SRSF5: variants seen among roughly 807,000 people sequenced by gnomAD.
SRSF5 encodes the protein serine/arginine-rich splicing factor 5.
In SRSF5, 5 loss-of-function variants were observed where a neutral mutation model predicts 34.0. That is an observed-to-expected ratio of 0.15 (90% CI 0.08 to 0.31). The LOEUF is 0.31. Among genes scored for constraint, SRSF5 ranks in the 10% least tolerant of loss-of-function variants. The probability of loss-of-function intolerance (pLI) is 1.00; values close to 1 mark genes in which losing one functional copy is unlikely to be tolerated. For missense variants in SRSF5, 223 were observed against 351.4 expected, an observed-to-expected ratio of 0.63 and a Z score of 2.92; for synonymous variants, 164 against 117.7, an observed-to-expected ratio of 1.39 and a Z score of -2.55.
At chr14:69,767,336 C>T (rs1882574418) in intron 1 of SRSF5, 81 bp downstream of exon 1, 1 of 455,706 alleles carries the variant, frequency 2.2e-6, no homozygotes, top group Middle Eastern at 3.3e-4. Flanking sequence ...GCCGGGGCTG[C>T]TCTCTTTGCG....
At chr14:69,769,389 A>G (rs1703949154) in intron 5 of SRSF5, 138 bp downstream of exon 5, 1 of 1,499,452 alleles carries the variant, frequency 6.7e-7, no homozygotes, top group African/African-American at 1.4e-5. Context: ...ACATTTAATT[A>G]AATGTAATTT....
At position 69,771,307 on chromosome 14, in the gene SRSF5, G is replaced by A. The variant is rs759338362; in HGVS notation, c.665G>A (p.Arg222Gln). 7.4e-6 allele frequency: 12 copies of A among 1,614,114 alleles called. No homozygotes were observed. Among genetic ancestry groups the A allele is most frequent in the East Asian group, 4.5e-5 (2 of 44,882 alleles). The change falls in exon 8 of 8, where the codon CGG becomes CAG. Residue 222 changes from arginine (R) to glutamine (Q), a missense_variant. By Grantham distance (43) the Arg-to-Gln change is conservative (BLOSUM62 1). Coordinates refer to ENST00000557154, the MANE Select transcript of SRSF5 (RefSeq NM_001320214.2). Reference sequence around the variant, plus strand: ...CGGTCAAGAAGCAGGAGCAGGAGCCGGAGCCGGAGCAAGTCCCGTTCTGTT... The same window carrying A: ...CGGTCAAGAAGCAGGAGCAGGAGCCAGAGCCGGAGCAAGTCCCGTTCTGTT... ...YSRSRSRSRS[R>Q]SRSKSRSVSR...
Position 69,771,248 on chromosome 14 carries a change from C to CCGATCCCGTTCCCGTAGT in SRSF5, c.609_626dup (p.Ser204_Arg209dup), listed in dbSNP as rs1263975783. Reference sequence around the variant, plus strand: ...CCAGAAGTTCCTCTAGGTCTCGTAGCCGATCCCGTTCCCGTAGTCGCAAAT... The same window carrying CCGATCCCGTTCCCGTAGT: ...CCAGAAGTTCCTCTAGGTCTCGTAGCCGATCCCGTTCCCGTAGTCGATCCCGTTCCCGTAGTCGCAAAT... On this transcript the variant is annotated inframe_insertion, in exon 8 of 8. Transcript: ENST00000557154. 1 of 1,614,004 alleles carries CCGATCCCGTTCCCGTAGT rather than the reference C, an allele frequency of 6.2e-7. No individual in the cohort carries two copies. Among genetic ancestry groups the CCGATCCCGTTCCCGTAGT allele is most frequent in the Non-Finnish European group, 8.5e-7 (1 of 1,180,046 alleles).
At chr14:69,768,071 ATTGT>A in intron 1 of SRSF5, 63 bp from the exon 2 acceptor site, 9 of 1,557,590 alleles carry the variant, frequency 5.8e-6, no homozygotes, top group Non-Finnish European at 7.9e-6. Context: ...GATGTTTTTG[ATTGT>A]TTAATCAGGC....
intron 2 of SRSF5, 77 bp from the exon 3 acceptor site, chr14:69,768,527 C>T (rs1295815274): frequency 1.4e-6 from 2 of 1,426,792 alleles, no homozygotes; most frequent in East Asian, 2.3e-5. Flanking sequence ...CATTCTGTCT[C>T]CTGATTTCAG....
chr14:69,769,262 A>C lies in SRSF5; in HGVS notation c.366+11A>C. 1 of 1,614,106 alleles carries C rather than the reference A, an allele frequency of 6.2e-7. No individual in the cohort carries two copies. Among genetic ancestry groups the C allele is most frequent in the Middle Eastern group, 1.6e-4 (1 of 6,062 alleles). On this transcript the variant is annotated intron_variant, in intron 5 of 7. Transcript: ENST00000557154. ...AGAGTCAGCTGGCAGGTTTGTTGAA[A>C]TACAGTTTTGAGTTATTTTGATGTG...
chr14:69,771,925 G>T lies in SRSF5; in HGVS notation c.*464G>T, dbSNP rs1373907078. On this transcript the variant is annotated 3_prime_UTR_variant, in exon 8 of 8. Coordinates refer to ENST00000557154, the MANE Select transcript of SRSF5 (RefSeq NM_001320214.2). The stretch of plus-strand genomic sequence containing the variant: ...TTTGTTTTCCTTGTTAGGGTCAAGG[G>T]TGTCCTCCACTCTTTAACAGCTGCT... The T allele has an allele frequency of 6.2e-6, 1 of 161,470 alleles. No individual in the cohort carries two copies. Among genetic ancestry groups the T allele is most frequent in the Non-Finnish European group, 1.4e-5 (1 of 73,462 alleles). 10.0% of individuals were successfully genotyped at this position (161,470 alleles called of 1,614,324 possible). A position where few individuals can be genotyped will look rare whatever the true frequency, so the allele number is the denominator to read the frequency against.
In SRSF5 at chr14:69,768,905, A is replaced by G. The variant is rs780052443; in HGVS notation, c.296+9A>G. On this transcript the variant is annotated intron_variant, in intron 4 of 7. Transcript: ENST00000557154. ...CCTCGAAATGATAGACGGTATGTGAAGGGTGGATGGCTGCATTGAACAATT... is the reference window on the plus strand; with the variant it reads ...CCTCGAAATGATAGACGGTATGTGAGGGGTGGATGGCTGCATTGAACAATT... 3.3e-5 allele frequency: 53 copies of G among 1,611,982 alleles called. No individual in the cohort carries two copies. The highest frequency in any genetic ancestry group is 4.4e-5 in the Non-Finnish European group (52 of 1,178,044).
At chr14:69,768,305 A>G in intron 2 of SRSF5, 23 bp downstream of exon 2, 1 of 1,613,778 alleles carries the variant, frequency 6.2e-7, no homozygotes. Flanking sequence ...AACTGGGTGA[A>G]TTATCTGCTA....
At position 69,767,488 on chromosome 14, in the gene SRSF5, C is replaced by T. The variant is rs1476701213; in HGVS notation, c.-20+233C>T. 2.6e-5 allele frequency: 12 copies of T among 455,934 alleles called. No individual in the cohort carries two copies. In the Middle Eastern group the frequency reaches 1.3e-3, roughly 49 times the overall value. 28.2% of individuals were successfully genotyped at this position (455,934 alleles called of 1,614,324 possible). Reference sequence around the variant, plus strand: ...TTACACAGCGGTTGTGCGCCCGTCCCTGCCAGTCTTAATGTCTTCATCTCC... The same window carrying T: ...TTACACAGCGGTTGTGCGCCCGTCCTTGCCAGTCTTAATGTCTTCATCTCC... On this transcript the variant is annotated intron_variant, in intron 1 of 7. Coordinates refer to ENST00000557154, the MANE Select transcript of SRSF5 (RefSeq NM_001320214.2).
intron 1 of SRSF5, 162 bp from the exon 2 acceptor site, chr14:69,767,976 T>G (rs1162699195): frequency 2.8e-6 from 2 of 722,338 alleles, no homozygotes; most frequent in Non-Finnish European, 4.4e-6. Context: ...TGGGTTTTCA[T>G]TTTGTCTGCA....
intron 1 of SRSF5, 65 bp from the exon 2 acceptor site, chr14:69,768,073 T>C (rs923833682): frequency 3.2e-6 from 5 of 1,561,694 alleles, no homozygotes; most frequent in Non-Finnish European, 3.5e-6. Flanking sequence ...TGTTTTTGAT[T>C]GTTTAATCAG....
At chr14:69,770,160 T>C (rs1883026651) in intron 5 of SRSF5, 1 of 1,086,948 alleles carries the variant, frequency 9.2e-7, no homozygotes, top group Admixed American at 5.0e-5. Context: ...TATGTACTGT[T>C]TCCTTTTTTG....
rs1566623180 is a variant in SRSF5 at position 69,767,174 on chromosome 14, C to T, written c.-101C>T. On this transcript the variant is annotated 5_prime_UTR_variant, in exon 1 of 8. Coordinates refer to ENST00000557154, the MANE Select transcript of SRSF5 (RefSeq NM_001320214.2). Reference sequence around the variant, plus strand: ...GTGGAGTGGCGTAGACGAGTTAAGTCCTGGTCTGCGTGGAGGTCGACGACT... The same window carrying T: ...GTGGAGTGGCGTAGACGAGTTAAGTTCTGGTCTGCGTGGAGGTCGACGACT... 1.1e-5 allele frequency: 4 copies of T among 352,938 alleles called. No individual in the cohort carries two copies. Among genetic ancestry groups the T allele is most frequent in the African/African-American group, 2.1e-5 (1 of 46,576 alleles). The allele number at this position is 352,938 out of a possible 1,614,324, so 21.9% of individuals were successfully genotyped here.
chr14:69,770,990 T>C lies in SRSF5; in HGVS notation c.441-5T>C, dbSNP rs1259429138. The stretch of plus-strand genomic sequence containing the variant: ...TACTTTAAAAGTGGCTGTTTTCCAT[T>C]TTAGGGTGGTTGAGTTTGCCTCTTA... On this transcript the variant is annotated splice_polypyrimidine_tract_variant and splice_region_variant and intron_variant, in intron 6 of 7. Coordinates refer to ENST00000557154, the MANE Select transcript of SRSF5 (RefSeq NM_001320214.2). The C allele has an allele frequency of 6.2e-7, 1 of 1,610,876 alleles. No individual in the cohort carries two copies. Among genetic ancestry groups the C allele is most frequent in the East Asian group, 2.2e-5 (1 of 44,862 alleles).
chr14:69,767,581 G>A (rs2139680374), intron 1 of SRSF5: 1 of 455,224 alleles, frequency 2.2e-6, no homozygotes, highest in South Asian at 1.5e-5. Flanking sequence ...CCTTTTGTAG[G>A]GCGGCCGCAG....
chr14:69,769,035 T>C (rs1882893213), intron 4 of SRSF5, 139 bp downstream of exon 4: 1 of 1,269,256 alleles, frequency 7.9e-7, no homozygotes, highest in African/African-American at 1.5e-5. Flanking sequence ...TTGTTCTTGA[T>C]GAATCTATAT....
rs779801649 is a variant in SRSF5 at position 69,768,301 on chromosome 14, G to A, written c.126+19G>A. The A allele has an allele frequency of 3.1e-6, 5 of 1,613,902 alleles. No individual in the cohort carries two copies. The South Asian group carries it at 4.4e-5, about 14-fold the overall frequency. On this transcript the variant is annotated intron_variant, in intron 2 of 7. Transcript: ENST00000557154. ...TTTTGTGGTAAGTATTTAGAACTGG[G>A]TGAATTATCTGCTAAGTAGGTAGAG...
chr14:69,768,008 G>T, intron 1 of SRSF5, 130 bp from the exon 2 acceptor site: 1 of 1,030,882 alleles, frequency 9.7e-7, no homozygotes, highest in South Asian at 1.5e-5. Context: ...CTCATTAGAG[G>T]CTCTGTTGGC....
Sources: allele counts gnomAD v4.1 joint callset, GRCh38; gene constraint gnomAD v4.1.1; transcripts MANE v1.5; gene names NCBI Gene and HGNC (gene_info 2026-07-23, HGNC 2026-07-21).